Variants in PFKP observed in about 807,000 individuals in gnomAD.
PFKP encodes ATP-dependent 6-phosphofructokinase, platelet type.
In PFKP, 101 loss-of-function variants were observed where a neutral mutation model predicts 94.3. The observed-to-expected ratio is 1.07, with a 90% CI of 0.91 to 1.26. The LOEUF is 1.26. Among genes scored for constraint, PFKP ranks in the 50% most tolerant of loss-of-function variants. PFKP has a pLI of 0.00. For missense variants in PFKP, 1,145 were observed against 1,103.3 expected, an observed-to-expected ratio of 1.04 and a Z score of -0.53; for synonymous variants, 573 against 432.6, an observed-to-expected ratio of 1.32 and a Z score of -4.03.
intron 1 of PFKP, 80 bp from the exon 2 acceptor site, chr10:3,082,308 C>A: frequency 2.0e-6 from 2 of 1,013,808 alleles, no homozygotes; most frequent in Non-Finnish European, 3.0e-6. Flanking sequence ...AGGAAACGGA[C>A]CCATGGTCAT....
At chr10:3,130,445 C>T (rs1032063725) in intron 17 of PFKP, among the ~76,000 whole-genome samples, 1 of 152,188 alleles carries the variant, frequency 6.6e-6, no homozygotes, top group Non-Finnish European at 1.5e-5. Flanking sequence ...GTGTCGCTGA[C>T]CCCGCGGTCT....
intron 2 of PFKP, among the ~76,000 whole-genome samples, chr10:3,096,884 C>T (rs1366027048): frequency 2.8e-5 from 2 of 71,452 alleles, no homozygotes; most frequent in Admixed American, 1.2e-4. Flanking sequence ...CGAGACCATC[C>T]TGGCTAACAC....
intron 1 of PFKP, among the ~76,000 whole-genome samples, chr10:3,071,594 A>G (rs1241102897): frequency 6.6e-6 from 1 of 152,200 alleles, no homozygotes; most frequent in Middle Eastern, 3.4e-3. Flanking sequence ...GCCACAGAAC[A>G]CTGTGCCACA....
intron 1 of PFKP, among the ~76,000 whole-genome samples, chr10:3,081,893 G>T (rs1219669585): frequency 1.3e-5 from 2 of 150,426 alleles, no homozygotes; most frequent in Non-Finnish European, 2.9e-5. Context: ...TCTTCATGAG[G>T]TATGGTTATT....
At position 3,101,564 on chromosome 10, in the gene PFKP, C is replaced by T. The variant is rs1316971556; in HGVS notation, c.454+10C>T. On this transcript the variant is annotated intron_variant, in intron 4 of 21. Transcript: ENST00000381125. ...GAGCTGGCCAGGAACGGTGAGTGGA[C>T]ACCTGCTCCTCTGTCCTGCGGGTTT... 3 of 1,515,306 alleles carry T rather than the reference C, an allele frequency of 2.0e-6. No homozygotes were observed. The highest frequency in any genetic ancestry group is 2.8e-5 in the African/African-American group (2 of 71,930). 93.9% of individuals were successfully genotyped at this position (1,515,306 alleles called of 1,614,324 possible).
chr10:3,130,107 T>C (rs4390256), intron 17 of PFKP, 124 bp downstream of exon 17: 312,191 of 836,062 alleles, frequency 0.37, 59,281 homozygotes, highest in African/African-American at 0.45. Flanking sequence ...CTACAGAACA[T>C]GCCACGCTTG....
intron 2 of PFKP, among the ~76,000 whole-genome samples, chr10:3,090,190 T>C (rs956389094): frequency 6.6e-6 from 1 of 152,364 alleles, no homozygotes. Context: ...GGAATATTTT[T>C]AAGCCATTAG....
chr10:3,068,343 G>A (rs1398759497), intron 1 of PFKP, among the ~76,000 whole-genome samples: 4 of 152,186 alleles, frequency 2.6e-5, no homozygotes, highest in African/African-American at 9.7e-5. Context: ...GGCGTCTCCA[G>A]GGCGGTCCGG....
chr10:3,120,101 C>T (rs1006219202), intron 16 of PFKP, 57 bp downstream of exon 16: 35 of 1,530,738 alleles, frequency 2.3e-5, no homozygotes, highest in East Asian at 1.8e-4. Flanking sequence ...CCCGGGGCCC[C>T]GGCCCTTTTT....
intron 16 of PFKP, chr10:3,129,512 T>TAGATCTC: frequency 4.0e-5 from 15 of 372,584 alleles, no homozygotes; most frequent in South Asian, 1.0e-4. Flanking sequence ...AGCTGGCTTG[T>TAGATCTC]GGGGTCGTCT....
chr10:3,127,551 C>T (rs778032019), intron 16 of PFKP, among the ~76,000 whole-genome samples: 25 of 152,204 alleles, frequency 1.6e-4, no homozygotes, highest in Admixed American at 3.9e-4. Flanking sequence ...TTCTCTAAGA[C>T]AAAGGAGAAG....
At chr10:3,094,219 G>T (rs141970219) in intron 2 of PFKP, among the ~76,000 whole-genome samples, 25 of 152,302 alleles carry the variant, frequency 1.6e-4, no homozygotes, top group African/African-American at 5.8e-4. Flanking sequence ...GAGGAAGGGC[G>T]ACCGGCCTCG....
intron 2 of PFKP, among the ~76,000 whole-genome samples, chr10:3,094,153 G>A (rs1344491039): frequency 1.3e-5 from 2 of 152,172 alleles, no homozygotes; most frequent in Non-Finnish European, 2.9e-5. Flanking sequence ...GCCTCAAGGT[G>A]GGGTTTGCTG....
rs540057930 is a variant in PFKP at position 3,127,355 on chromosome 10, A to T, written c.1684-2464A>T. Among the ~76,000 whole-genome samples the T allele has an allele frequency of 1.3e-3, 195 of 152,338 alleles. 1 individual carries two copies. Among genetic ancestry groups the T allele is most frequent in the Admixed American group, 2.5e-3 (39 of 15,298 alleles). ...CAGAACTCAGACACGCCTGGGCACA[A>T]ATCAGCCTCTTGGGAGAGCTGCTTT... On this transcript the variant is annotated intron_variant, in intron 16 of 21. Transcript: ENST00000381125.
At chr10:3,091,195 C>A (rs1429805703) in intron 2 of PFKP, among the ~76,000 whole-genome samples, 2 of 152,094 alleles carry the variant, frequency 1.3e-5, no homozygotes, top group African/African-American at 4.8e-5. Context: ...CCTGGTGAAC[C>A]AATTGTTGCT....
chr10:3,133,361 CT>C, intron 19 of PFKP, 47 bp downstream of exon 19: 1 of 1,168,518 alleles, frequency 8.6e-7, no homozygotes, highest in Non-Finnish European at 1.3e-6. Flanking sequence ...TGTCATGTGA[CT>C]TTTAAAAGAT....
Position 3,101,457 on chromosome 10 carries a change from C to T in PFKP, c.357C>T (p.Ile119=). 1 of 1,610,464 alleles carries T rather than the reference C, an allele frequency of 6.2e-7. No homozygotes were observed. The change falls in exon 4 of 22, where the codon ATC becomes ATT. Residue 119 remains isoleucine, a synonymous_variant. Transcript: ENST00000381125. The part of the protein sequence containing the change: ...KAACNLLQRG[I]TNLCVIGGDG... Reference sequence around the variant, plus strand: ...CTTGCAACCTGCTGCAGCGCGGCATCACCAACCTGTGTGTGATCGGCGGGG... The same window carrying T: ...CTTGCAACCTGCTGCAGCGCGGCATTACCAACCTGTGTGTGATCGGCGGGG...
chr10:3,131,611 C>G (rs1838598445), intron 17 of PFKP, among the ~76,000 whole-genome samples: 1 of 152,134 alleles, frequency 6.6e-6, no homozygotes, highest in Non-Finnish European at 1.5e-5. Context: ...CACCTGCCAC[C>G]ACGCCTGGCT....
intron 10 of PFKP, among the ~76,000 whole-genome samples, chr10:3,111,071 G>A (rs374668528): frequency 0.012 from 1,822 of 150,528 alleles, 34 homozygotes; most frequent in African/African-American, 0.042. Flanking sequence ...TGTGTGTGAG[G>A]TAATGCATCT....
Sources: allele counts gnomAD v4.1 joint callset (sites outside exome capture counted in the v4.1 genomes callset), GRCh38; gene constraint gnomAD v4.1.1; transcripts MANE v1.5; gene names NCBI Gene and HGNC (gene_info 2026-07-23, HGNC 2026-07-21).